Variants in LMO7 observed in about 807,000 individuals in gnomAD.
The protein encoded by LMO7 is LIM domain only protein 7.
LMO7 carries 120 observed loss-of-function variants against 206.5 expected under a neutral mutation model. The observed-to-expected ratio is 0.58, with a 90% CI of 0.50 to 0.68. The LOEUF is 0.68. Among genes scored for constraint, LMO7 ranks in the 30% least tolerant of loss-of-function variants. LMO7 has a pLI of 0.00. For synonymous variants in LMO7, 706 were observed against 681.5 expected, an observed-to-expected ratio of 1.04 and a Z score of -0.56; for missense variants, 1,959 against 1,957.9, an observed-to-expected ratio of 1.00 and a Z score of -0.01.
At chr13:75,682,545 G>C (rs2040624050) in intron 1 of LMO7, among the ~76,000 whole-genome samples, 1 of 152,136 alleles carries the variant, frequency 6.6e-6, no homozygotes, top group African/African-American at 2.4e-5. Context: ...TTCTTATCAG[G>C]TTGCCCAGAT....
intron 3 of LMO7, among the ~76,000 whole-genome samples, chr13:75,734,056 G>C (rs766275346): frequency 1.4e-4 from 21 of 152,218 alleles, no homozygotes; most frequent in Non-Finnish European, 2.4e-4. Flanking sequence ...TGCTAACTCT[G>C]TTACTTTATG....
Position 75,819,520 on chromosome 13 carries a change from A to C in LMO7, c.2192A>C (p.Glu731Ala), listed in dbSNP as rs1309298880. The C allele has an allele frequency of 1.2e-6, 2 of 1,602,722 alleles. No individual in the cohort carries two copies. The highest frequency in any genetic ancestry group is 1.7e-6 in the Non-Finnish European group (2 of 1,176,978). ...AAGAGAAGCTCTAAGACGTTTAAGG[A>C]AATGCTGCAGGACAGGTAATAATGC... ...KSKRSSKTFK[E>A]MLQDRESQNQ... is the part of the protein sequence containing the mutation. The change falls in exon 13 of 31, where the codon GAA becomes GCA. Residue 731 changes from glutamate (E) to alanine (A), a missense_variant. Coordinates refer to ENST00000377534, the MANE Select transcript of LMO7 (RefSeq NM_001306080.2).
At chr13:75,804,676 A>T (rs891739746) in intron 8 of LMO7, 135 bp downstream of exon 8, 2 of 1,186,984 alleles carry the variant, frequency 1.7e-6, no homozygotes, top group African/African-American at 1.5e-5. Flanking sequence ...AATATTTTTC[A>T]TCCCTCTATT....
rs1240937141 is a variant in LMO7 at position 75,626,595 on chromosome 13, A to ATTTTTTTTTTTTTTTT, written c.225+3282_225+3283insTTTTTTTTTTTTTTTT. ...ATATATATTATATATATATATATAA[A>ATTTTTTTTTTTTTTTT]TTTTTTTGAGACAGGGTCTCACTCT... On this transcript the variant is annotated intron_variant, in intron 2 of 29. Coordinates refer to the LMO7 transcript ENST00000341547. Among the ~76,000 whole-genome samples the ATTTTTTTTTTTTTTTT allele has an allele frequency of 1.1e-3, 79 of 71,154 alleles. 4 individuals carry two copies. Among genetic ancestry groups the ATTTTTTTTTTTTTTTT allele is most frequent in the Middle Eastern group, 7.4e-3 (1 of 136 alleles). 46.7% of individuals were successfully genotyped at this position (71,154 alleles called of 152,430 possible). A position where few individuals can be genotyped will look rare whatever the true frequency, so the allele number is the denominator to read the frequency against.
At chr13:75,803,675 C>G (rs1566494258) in intron 7 of LMO7, among the ~76,000 whole-genome samples, 1 of 152,214 alleles carries the variant, frequency 6.6e-6, no homozygotes, top group South Asian at 2.1e-4. Flanking sequence ...CATGGCCACT[C>G]TGAAGAAACT....
intron 2 of LMO7, among the ~76,000 whole-genome samples, chr13:75,717,774 T>C (rs900456475): frequency 1.3e-5 from 2 of 152,134 alleles, no homozygotes; most frequent in African/African-American, 4.8e-5. Context: ...CCCTGGGGCT[T>C]CCATGCAGTG....
intron 3 of LMO7, among the ~76,000 whole-genome samples, chr13:75,757,736 T>C (rs1054081046): frequency 6.6e-6 from 1 of 152,060 alleles, no homozygotes; most frequent in Non-Finnish European, 1.5e-5. Context: ...TTCATAGTCA[T>C]AGAAAAATTT....
intron 27 of LMO7, among the ~76,000 whole-genome samples, chr13:75,851,543 T>A (rs2060506072): frequency 2.0e-5 from 3 of 152,336 alleles, no homozygotes; most frequent in East Asian, 1.9e-4. Context: ...CTTATGATAA[T>A]GTATCACTTT....
intron 1 of LMO7, among the ~76,000 whole-genome samples, chr13:75,649,275 A>G (rs1029218712): frequency 5.3e-5 from 8 of 152,202 alleles, no homozygotes; most frequent in African/African-American, 1.9e-4. Context: ...ACCATATTGC[A>G]TATCAGAGGA....
intron 26 of LMO7, among the ~76,000 whole-genome samples, chr13:75,848,540 C>T (rs1036024364): frequency 2.6e-5 from 4 of 152,056 alleles, no homozygotes; most frequent in South Asian, 2.1e-4. Flanking sequence ...TTTTGCATTG[C>T]GAATTGTGCT....
chr13:75,752,778 G>A (rs142953574), intron 3 of LMO7, among the ~76,000 whole-genome samples: 2 of 152,218 alleles, frequency 1.3e-5, no homozygotes, highest in African/African-American at 4.8e-5. Context: ...TTTTTTAATG[G>A]CTGAATAGTA....
At chr13:75,720,381 T>C (rs1401287986) in intron 2 of LMO7, among the ~76,000 whole-genome samples, 1 of 152,238 alleles carries the variant, frequency 6.6e-6, no homozygotes. Flanking sequence ...TTGTGCTTTT[T>C]GTGTCTTGTC....
chr13:75,646,709 A>T (rs555829780), intron 1 of LMO7, among the ~76,000 whole-genome samples: 3 of 151,702 alleles, frequency 2.0e-5, no homozygotes, highest in African/African-American at 7.3e-5. Context: ...TCAGCCTCCC[A>T]AGTAGCTGGG....
chr13:75,636,281 C>A, upstream of LMO7: 1 of 537,544 alleles, frequency 1.9e-6, no homozygotes, highest in Non-Finnish European at 2.3e-6. Context: ...TGGGCCGGGG[C>A]GGGGCCACCG....
At chr13:75,678,351 G>T (rs941934909) in intron 1 of LMO7, among the ~76,000 whole-genome samples, 8 of 152,200 alleles carry the variant, frequency 5.3e-5, no homozygotes, top group Non-Finnish European at 1.0e-4. Context: ...GTGTGAGACG[G>T]TATCTCATTG....
chr13:75,663,790 T>C (rs2038860502), intron 1 of LMO7, among the ~76,000 whole-genome samples: 1 of 152,218 alleles, frequency 6.6e-6, no homozygotes, highest in African/African-American at 2.4e-5. Context: ...TCAAGTTCAT[T>C]AAGAGAATAT....
intron 4 of LMO7, among the ~76,000 whole-genome samples, chr13:75,762,654 A>G: frequency 6.6e-6 from 1 of 152,122 alleles, no homozygotes; most frequent in East Asian, 1.9e-4. Flanking sequence ...ATTACTGACA[A>G]ACTGAAACTG....
At chr13:75,712,076 A>G (rs1430534656) in intron 1 of LMO7, among the ~76,000 whole-genome samples, 1 of 152,186 alleles carries the variant, frequency 6.6e-6, no homozygotes, top group Non-Finnish European at 1.5e-5. Flanking sequence ...GATGTTGGGC[A>G]CTGTGGAGAG....
intron 26 of LMO7, among the ~76,000 whole-genome samples, chr13:75,847,911 G>T (rs2139469228): frequency 6.6e-6 from 1 of 152,230 alleles, no homozygotes; most frequent in African/African-American, 2.4e-5. Context: ...TAGCACACGT[G>T]CACAATGCCA....
Sources: allele counts gnomAD v4.1 joint callset (sites outside exome capture counted in the v4.1 genomes callset), GRCh38; gene constraint gnomAD v4.1.1; transcripts MANE v1.5; gene names NCBI Gene and HGNC (gene_info 2026-07-23, HGNC 2026-07-21).